The following VAV1 variants were observed in gnomAD, a reference collection of about 807,000 sequenced individuals.
VAV1 encodes proto-oncogene vav.
A neutral mutation model predicts 128.1 loss-of-function variants in VAV1; 33 were observed. The ratio of observed to expected loss-of-function variants is 0.26; its 90% CI spans 0.20 to 0.34. The LOEUF is 0.34. Among genes scored for constraint, VAV1 ranks in the 10% least tolerant of loss-of-function variants. VAV1 has a pLI of 1.00. For synonymous variants in VAV1, 394 were observed against 409.8 expected, an observed-to-expected ratio of 0.96 and a Z score of 0.47; for missense variants, 715 against 1,093.7, an observed-to-expected ratio of 0.65 and a Z score of 4.88.
intron 1 of VAV1, among the ~76,000 whole-genome samples, chr19:6,800,616 T>C (rs561753089): frequency 6.9e-6 from 1 of 145,512 alleles, no homozygotes; most frequent in Admixed American, 6.9e-5. Flanking sequence ...AGCTTCTTTT[T>C]TTTGTTTTGT....
At chr19:6,833,674 A>G in intron 17 of VAV1, 37 bp from the exon 18 acceptor site, 1 of 1,614,022 alleles carries the variant, frequency 6.2e-7, no homozygotes, top group Non-Finnish European at 8.5e-7. Context: ...TCTTTGGAGG[A>G]TTTCCCGTTC....
chr19:6,845,435 T>G (rs1972497633), intron 22 of VAV1, among the ~76,000 whole-genome samples: 1 of 151,012 alleles, frequency 6.6e-6, no homozygotes, highest in Non-Finnish European at 1.5e-5. Context: ...TGAGGTGAAA[T>G]TCATACAACA....
chr19:6,847,945 G>A lies in VAV1; in HGVS notation c.2013-53G>A, dbSNP rs1297215810. ...AAAGGCAACCTCCATATGGCAATAT[G>A]GGGACCCAGGCACGGGGACCGTGCC... On this transcript the variant is annotated intron_variant, in intron 22 of 26. Transcript: ENST00000602142. 4 of 1,420,948 alleles carry A rather than the reference G, an allele frequency of 2.8e-6. No individual in the cohort carries two copies. The African/African-American group carries it at 6.0e-5, about 21-fold the overall frequency. The allele number at this position is 1,420,948 out of a possible 1,614,324, so 88.0% of individuals were successfully genotyped here.
chr19:6,773,139 C>T (rs1970539926), intron 1 of VAV1, 128 bp downstream of exon 1: 7 of 1,258,904 alleles, frequency 5.6e-6, no homozygotes, highest in Non-Finnish European at 7.8e-6. Context: ...CTTACAGGTC[C>T]AGGGCTGGCC....
At chr19:6,799,052 C>A (rs1365659017) in intron 1 of VAV1, among the ~76,000 whole-genome samples, 1 of 152,152 alleles carries the variant, frequency 6.6e-6, no homozygotes, top group Non-Finnish European at 1.5e-5. Context: ...GCTGCTTTCC[C>A]TGAGCATGAT....
intron 1 of VAV1, among the ~76,000 whole-genome samples, chr19:6,806,527 T>C (rs555299749): frequency 6.6e-6 from 1 of 152,334 alleles, no homozygotes; most frequent in South Asian, 2.1e-4. Flanking sequence ...TGGATTCCTT[T>C]TCTGGCTTTG....
intron 1 of VAV1, among the ~76,000 whole-genome samples, chr19:6,798,231 C>G (rs1032357966): frequency 6.6e-6 from 1 of 151,910 alleles, no homozygotes; most frequent in Non-Finnish European, 1.5e-5. Flanking sequence ...GAGCGGAGAT[C>G]GCATCATTGC....
chr19:6,790,499 GA>G (rs1320659297), intron 1 of VAV1, among the ~76,000 whole-genome samples: 1 of 152,140 alleles, frequency 6.6e-6, no homozygotes, highest in Non-Finnish European at 1.5e-5. Context: ...GGCTCCAAAG[GA>G]GAATCTTTCT....
At chr19:6,782,321 C>T (rs1164737656) in intron 1 of VAV1, among the ~76,000 whole-genome samples, 1 of 148,776 alleles carries the variant, frequency 6.7e-6, no homozygotes, top group Non-Finnish European at 1.5e-5. Context: ...CAGAGTGAGA[C>T]TCCATCTAAA....
intron 22 of VAV1, among the ~76,000 whole-genome samples, chr19:6,844,399 T>A (rs1473813694): frequency 6.6e-6 from 1 of 152,014 alleles, no homozygotes; most frequent in Non-Finnish European, 1.5e-5. Context: ...ATATTTTCAG[T>A]AAAGACAGAG....
intron 1 of VAV1, among the ~76,000 whole-genome samples, chr19:6,798,019 G>C (rs1004494428): frequency 1.3e-5 from 2 of 152,066 alleles, no homozygotes; most frequent in East Asian, 3.9e-4. Context: ...GGCTCACGCT[G>C]TAATCCCAGC....
intron 6 of VAV1, among the ~76,000 whole-genome samples, chr19:6,823,921 T>C (rs1971854455): frequency 6.6e-6 from 1 of 151,620 alleles, no homozygotes; most frequent in African/African-American, 2.4e-5. Flanking sequence ...TGTTTTGGTT[T>C]TTTTTGTTTC....
intron 16 of VAV1, 111 bp from the exon 17 acceptor site, chr19:6,833,417 C>A: frequency 7.2e-7 from 1 of 1,379,658 alleles, no homozygotes; most frequent in Non-Finnish European, 9.9e-7. Flanking sequence ...GCTTCTCCGT[C>A]ACTCTCCTGA....
At chr19:6,808,191 A>G (rs913316603) in intron 1 of VAV1, among the ~76,000 whole-genome samples, 1 of 151,736 alleles carries the variant, frequency 6.6e-6, no homozygotes, top group African/African-American at 2.4e-5. Context: ...AGGTGCCTGT[A>G]ATCCCAGCTA....
In VAV1 at chr19:6,825,038, C is replaced by G. The variant is rs781711216; in HGVS notation, c.655-15C>G. The G allele has an allele frequency of 2.5e-6, 4 of 1,613,992 alleles. No homozygotes were observed. In the South Asian group the frequency reaches 4.4e-5, roughly 18 times the overall value. On this transcript the variant is annotated splice_polypyrimidine_tract_variant and intron_variant, in intron 6 of 26. Coordinates refer to ENST00000602142, the MANE Select transcript of VAV1 (RefSeq NM_005428.4). ...GAATCTTATCTTCCGTCATCTTTCT[C>G]TCCCTTCCCCGCAGCATTTCTTGAA... is the stretch of plus-strand genomic sequence containing the variant.
rs958499128 is a variant in VAV1, at chr19:6,828,705, C to G, written c.1176C>G (p.Asn392Lys). The G allele has an allele frequency of 6.8e-6, 11 of 1,614,176 alleles. No individual in the cohort carries two copies. Among genetic ancestry groups the G allele is most frequent in the Non-Finnish European group, 9.3e-6 (11 of 1,180,030 alleles). ...CCAATTTCCAGCTGTCCATTGAGAA[C>G]CTGGTGAGGCGGTGGAGCCGGGTGG... Reference protein sequence around the residue: ...QITNFQLSIENLDQSLAHYGR... With the variant: ...QITNFQLSIEKLDQSLAHYGR... The change falls in exon 12 of 27, where the codon AAC (asparagine) becomes AAG (lysine). Residue 392 changes from asparagine (N) to lysine (K), a missense_variant. Asn to Lys is a moderately conservative substitution (Grantham distance 94). Transcript: ENST00000602142. The surrounding 1 kb of genome is among the most constrained non-coding windows in gnomAD (Gnocchi z 4.5).
rs780975522 is a variant in VAV1 at position 6,852,955 on chromosome 19, C to T, written c.2218-10C>T. On this transcript the variant is annotated splice_polypyrimidine_tract_variant and intron_variant, in intron 24 of 26. Transcript: ENST00000602142. Reference sequence around the variant, plus strand: ...CTGGGATAGCATCTGCCATGTGGTCCGCCTTCTAGGAGCTGGTGGAGTTTT... The same window carrying T: ...CTGGGATAGCATCTGCCATGTGGTCTGCCTTCTAGGAGCTGGTGGAGTTTT... 24 of 1,605,062 alleles carry T rather than the reference C, an allele frequency of 1.5e-5. No homozygotes were observed. The highest frequency in any genetic ancestry group is 5.0e-5 in the Admixed American group (3 of 59,704).
chr19:6,828,379 G>T lies in VAV1; in HGVS notation c.1024-40G>T. 6.2e-7 allele frequency: 1 copy of T among 1,613,044 alleles called. No individual in the cohort carries two copies. Among genetic ancestry groups the T allele is most frequent in the Non-Finnish European group, 8.5e-7 (1 of 1,179,466 alleles). On this transcript the variant is annotated intron_variant, in intron 10 of 26. Coordinates refer to ENST00000602142, the MANE Select transcript of VAV1 (RefSeq NM_005428.4). The surrounding 1 kb of genome is among the most constrained non-coding windows in gnomAD (Gnocchi z 4.5). ...GAAGGCCCTCCCCGCAGGGAGAAGG[G>T]GAGGGGCCCAGGTGACGTCTGACGT...
chr19:6,822,577 G>C lies in VAV1; in HGVS notation c.654+63G>C, dbSNP rs556252256. The C allele has an allele frequency of 4.7e-4, 683 of 1,445,920 alleles. 7 individuals are homozygous for C. In the African/African-American group the frequency reaches 8.9e-3, roughly 19 times the overall value. 89.6% of individuals were successfully genotyped at this position (1,445,920 alleles called of 1,614,324 possible). On this transcript the variant is annotated intron_variant, in intron 6 of 26. Transcript: ENST00000602142. This position sits in a 1 kb window ranked among gnomAD's most constrained non-coding sequence, Gnocchi z 5.9. ...GCGGGAGCTGGGCCGGCAGGTGCAC[G>C]TCCACCTGTCCGGCCGCTCTGGGCA...
Sources: gnomAD v4.1 joint callset for allele counts (sites outside exome capture counted in the v4.1 genomes callset) on GRCh38, gnomAD v4.1.1 for gene constraint, Gnocchi (gnomAD v3.1) non-coding constraint, MANE v1.5 for transcripts, NCBI Gene and HGNC (gene_info 2026-07-23, HGNC 2026-07-21) for gene names.